Variants in RIPOR1 observed in about 807,000 individuals in gnomAD.
RIPOR1 encodes the protein rho family-interacting cell polarization regulator 1.
In RIPOR1, 58 loss-of-function variants were observed where a neutral mutation model predicts 116.5. The observed-to-expected ratio is 0.50, with a 90% CI of 0.40 to 0.62. The LOEUF is 0.62. Ranked by LOEUF, RIPOR1 falls within the 20% of genes least tolerant of loss-of-function variation. The probability of loss-of-function intolerance (pLI) is 0.00; values close to 1 mark genes in which losing one functional copy is unlikely to be tolerated. For missense variants in RIPOR1, 1,372 were observed against 1,586.2 expected, an observed-to-expected ratio of 0.86 and a Z score of 2.29; for synonymous variants, 605 against 650.0, an observed-to-expected ratio of 0.93 and a Z score of 1.05.
intron 1 of RIPOR1, chr16:67,538,210 G>A (rs924992666): frequency 6.5e-6 from 3 of 459,218 alleles, no homozygotes; most frequent in Non-Finnish European, 1.1e-5. Flanking sequence ...GGAAGTGGGG[G>A]CCGAGCCGAG....
chr16:67,520,109 G>C (rs2050482117), intron 1 of RIPOR1, among the ~76,000 whole-genome samples: 1 of 150,442 alleles, frequency 6.6e-6, no homozygotes, highest in Non-Finnish European at 1.5e-5. Flanking sequence ...CGAGTGCAGT[G>C]GCTCATGCCT....
rs373261651 is a variant in RIPOR1, at chr16:67,539,877, G to A, written c.392G>A (p.Arg131Gln). ...QVKSIERFLRRLEFHASKIDE... is the reference protein window; with the variant it reads ...QVKSIERFLRQLEFHASKIDE... ...AAGTCCATTGAACGCTTCCTGCGAC[G>A]ACTGGAGTTCCATGCCAGCAAGGTA... The change falls in exon 6 of 22, where the codon CGA (arginine) becomes CAA (glutamine). Residue 131 changes from arginine to glutamine, a missense_variant. By Grantham distance (43) the Arg-to-Gln change is conservative. Around this residue, in one of 3 missense-constraint regions of RIPOR1, gnomAD observed 202 missense variants for 295.9 expected, o/e 0.68. Coordinates refer to ENST00000042381, the MANE Select transcript of RIPOR1 (RefSeq NM_024519.4). 6.2e-6 allele frequency: 10 copies of A among 1,614,056 alleles called. No individual in the cohort carries two copies. Among genetic ancestry groups the A allele is most frequent in the African/African-American group, 1.3e-5 (1 of 74,908 alleles).
chr16:67,519,074 C>T, intron 1 of RIPOR1, among the ~76,000 whole-genome samples: 1 of 152,200 alleles, frequency 6.6e-6, no homozygotes, highest in East Asian at 1.9e-4. Context: ...CACCTGAGGT[C>T]AGGAGTTTGA....
At chr16:67,524,125 G>A (rs898610844), upstream of RIPOR1, among the ~76,000 whole-genome samples, 7 of 152,112 alleles carry the variant, frequency 4.6e-5, no homozygotes, top group South Asian at 4.2e-4. Context: ...AATGAGATGC[G>A]GCACTTCTTC....
intron 1 of RIPOR1, among the ~76,000 whole-genome samples, chr16:67,521,503 GGAGCAGTTCATCCCAT>G (rs1161973259): frequency 6.6e-6 from 1 of 152,206 alleles, no homozygotes; most frequent in South Asian, 2.1e-4. Flanking sequence ...GGGTCCCAGG[GGAGCAGTTCATCCCAT>G]GAGCTGGGAG....
chr16:67,543,515 A>G lies in RIPOR1; in HGVS notation c.2600+46A>G, dbSNP rs1567576821. 6.5e-7 allele frequency: 1 copy of G among 1,541,980 alleles called. No homozygotes were observed. ...GGGTGTGAGGCTAGGTGAGAGGGAA[A>G]AGGTGAGGCAGGACCAGGGGAAGGT... On this transcript the variant is annotated intron_variant, in intron 14 of 21. Coordinates refer to ENST00000042381, the MANE Select transcript of RIPOR1 (RefSeq NM_024519.4). This position sits in a 1 kb window ranked among gnomAD's most constrained non-coding sequence, Gnocchi z 4.7.
Position 67,529,473 on chromosome 16 carries a change from C to T in RIPOR1, c.-24+559C>T, listed in dbSNP as rs966702991. On this transcript the variant is annotated intron_variant, in intron 1 of 21. Transcript: ENST00000042381. The surrounding 1 kb of genome is among the most constrained non-coding windows in gnomAD (Gnocchi z 4.1). ...CGTAGCCGAAGCCGGAGAGGATCGT[C>T]CTTGTCGGGGAACGGAGCTTTTCCC... 2.6e-5 allele frequency: 9 copies of T among 343,780 alleles called. No homozygotes were observed. Among genetic ancestry groups the T allele is most frequent in the Non-Finnish European group, 4.3e-5 (8 of 186,818 alleles). 21.3% of individuals were successfully genotyped at this position (343,780 alleles called of 1,614,324 possible). A position where few individuals can be genotyped will look rare whatever the true frequency, so the allele number is the denominator to read the frequency against.
intron 1 of RIPOR1, among the ~76,000 whole-genome samples, chr16:67,532,071 T>G (rs982869210): frequency 1.3e-5 from 2 of 151,906 alleles, no homozygotes; most frequent in Admixed American, 1.3e-4. Flanking sequence ...TTTTTTTTTT[T>G]TGTATATTTA....
chr16:67,525,354 G>A (rs950822380), upstream of RIPOR1, among the ~76,000 whole-genome samples: 3 of 152,158 alleles, frequency 2.0e-5, no homozygotes, highest in Non-Finnish European at 4.4e-5. Flanking sequence ...AGGGTGGCCC[G>A]GGCACAGCCG....
At position 67,537,846 on chromosome 16, in the gene RIPOR1, G is replaced by T. The variant is rs1011504751; in HGVS notation, c.-23-578G>T. Among the ~76,000 whole-genome samples, 2 of 152,028 alleles carry T rather than the reference G, an allele frequency of 1.3e-5. No individual in the cohort carries two copies. Among genetic ancestry groups the T allele is most frequent in the Non-Finnish European group, 2.9e-5 (2 of 67,958 alleles). On this transcript the variant is annotated intron_variant, in intron 1 of 21. Coordinates refer to ENST00000042381, the MANE Select transcript of RIPOR1 (RefSeq NM_024519.4). This position sits in a 1 kb window ranked among gnomAD's most constrained non-coding sequence, Gnocchi z 4.6. ...CTGGGAATCCCCCTGCCTGGAGGGC[G>T]CCGGGACGCCCGGGCCGGTGGGGGC... is the stretch of plus-strand genomic sequence containing the variant.
In RIPOR1 at chr16:67,544,940, C is replaced by T; in HGVS notation, c.2870-16C>T. The T allele has an allele frequency of 6.2e-7, 1 of 1,610,096 alleles. No homozygotes were observed. The highest frequency in any genetic ancestry group is 1.3e-5 in the African/African-American group (1 of 75,054). On this transcript the variant is annotated splice_polypyrimidine_tract_variant and intron_variant, in intron 16 of 21. Coordinates refer to ENST00000042381, the MANE Select transcript of RIPOR1 (RefSeq NM_024519.4). This position sits in a 1 kb window ranked among gnomAD's most constrained non-coding sequence, Gnocchi z 5.1. ...CTGCCTGCCTGTTGCTGACGGTTTC[C>T]CTCACCCCCTCACAGTGGTGCAGTT...
intron 1 of RIPOR1, among the ~76,000 whole-genome samples, chr16:67,521,045 A>G (rs1272145452): frequency 6.6e-6 from 1 of 152,114 alleles, no homozygotes; most frequent in Non-Finnish European, 1.5e-5. Flanking sequence ...GCTTTGGCAT[A>G]TGGAGGGGGT....
Position 67,545,493 on chromosome 16 carries a change from G to A in RIPOR1, c.3149G>A (p.Ser1050Asn). The change falls in exon 18 of 22, where the codon AGC becomes AAC. Residue 1050 changes from serine (S) to asparagine (N), a missense_variant. Coordinates refer to ENST00000042381, the MANE Select transcript of RIPOR1 (RefSeq NM_024519.4). The surrounding 1 kb of genome is among the most constrained non-coding windows in gnomAD (Gnocchi z 4.8). ...QFWSFVETLD[S>N]PTMEAYVTET... ...TGGAGTTTTGTGGAAACCTTGGACA[G>A]CCCCACCATGGAGGCCTACGTGACT... 2 of 1,614,058 alleles carry A rather than the reference G, an allele frequency of 1.2e-6. No homozygotes were observed. The highest frequency in any genetic ancestry group is 1.7e-6 in the Non-Finnish European group (2 of 1,180,032).
intron 1 of RIPOR1, among the ~76,000 whole-genome samples, chr16:67,536,017 G>A (rs1259388860): frequency 1.3e-5 from 2 of 152,240 alleles, no homozygotes; most frequent in Non-Finnish European, 2.9e-5. Context: ...TGGGGAGAAA[G>A]TAAGCACAGT....
At chr16:67,526,099 G>A (rs947087046), upstream of RIPOR1, among the ~76,000 whole-genome samples, 3 of 152,178 alleles carry the variant, frequency 2.0e-5, no homozygotes, top group South Asian at 2.1e-4. Flanking sequence ...TCACTGCAGC[G>A]CCATCTGTGC....
intron 1 of RIPOR1, among the ~76,000 whole-genome samples, chr16:67,534,034 G>A (rs2142462817): frequency 1.4e-5 from 2 of 147,434 alleles, no homozygotes; most frequent in African/African-American, 5.1e-5. Flanking sequence ...TGGTCAGGCT[G>A]GTCTCGAACT....
upstream of RIPOR1, among the ~76,000 whole-genome samples, chr16:67,526,718 C>T (rs549978014): frequency 1.9e-4 from 29 of 152,370 alleles, no homozygotes; most frequent in Non-Finnish European, 3.5e-4. Context: ...GGTGTGCACA[C>T]TGCTGCCTGG....
rs754699420 is a variant in RIPOR1, at chr16:67,545,780, G to A, written c.3307G>A (p.Val1103Ile). 13 of 1,612,736 alleles carry A rather than the reference G, an allele frequency of 8.1e-6. No individual in the cohort carries two copies. In the Admixed American group the frequency reaches 1.0e-4, roughly 12 times the overall value. ...GCTGCGGGCCCTCAGCTCCCTGCTCGTCCATGGCAACAACAAGGTCATGGC... is the reference window on the plus strand; with the variant it reads ...GCTGCGGGCCCTCAGCTCCCTGCTCATCCATGGCAACAACAAGGTCATGGC... ...DGLRALSSLLVHGNNKVMAAV... is the reference protein window; with the variant it reads ...DGLRALSSLLIHGNNKVMAAV... The change falls in exon 19 of 22, where the codon GTC becomes ATC. Residue 1103 changes from valine (V) to isoleucine (I), a missense_variant. By Grantham distance (29) the Val-to-Ile change is conservative. Around this residue, in one of 3 missense-constraint regions of RIPOR1, gnomAD observed 1,005 missense variants for 1,144.7 expected, o/e 0.88. Transcript: ENST00000042381. The surrounding 1 kb of genome is among the most constrained non-coding windows in gnomAD (Gnocchi z 4.8).
chr16:67,538,653 A>G lies in RIPOR1; in HGVS notation c.105-19A>G, dbSNP rs760915192. ...GGGGACTCCTGCTCTCCTCTTTCTG[A>G]GGACAGCCTCTCCTTCAGGAGTTTC... is the stretch of plus-strand genomic sequence containing the variant. On this transcript the variant is annotated intron_variant, in intron 2 of 21. Transcript: ENST00000042381. 4 of 1,611,200 alleles carry G rather than the reference A, an allele frequency of 2.5e-6. No homozygotes were observed. Among genetic ancestry groups the G allele is most frequent in the Middle Eastern group, 1.6e-4 (1 of 6,068 alleles).
Sources: allele counts gnomAD v4.1 joint callset (sites outside exome capture counted in the v4.1 genomes callset), GRCh38; gene constraint gnomAD v4.1.1; regional missense constraint gnomAD v4.1.1; non-coding constraint Gnocchi (gnomAD v3.1); transcripts MANE v1.5; gene names NCBI Gene and HGNC (gene_info 2026-07-23, HGNC 2026-07-21).